Variants in MAML3 observed in about 807,000 individuals in gnomAD.
The protein encoded by MAML3 is mastermind like transcriptional coactivator 3.
In MAML3, 27 loss-of-function variants were observed where a neutral mutation model predicts 101.9. The ratio of observed to expected loss-of-function variants is 0.27; its 90% CI spans 0.20 to 0.37. MAML3 has a LOEUF of 0.37. MAML3 is among the 10% of genes least tolerant of loss of function. The pLI is 1.00. For synonymous variants in MAML3, 501 were observed against 555.9 expected (o/e 0.90, Z 1.39); for missense variants, 1,316 against 1,444.9 (o/e 0.91, Z 1.45).
chr4:139,877,350 G>A (rs1578642814), intron 2 of MAML3, among the ~76,000 whole-genome samples: 1 of 150,550 alleles, frequency 6.6e-6, no homozygotes, highest in Admixed American at 6.7e-5. Context: ...CCCACCCCCC[G>A]AAGAGTATTA....
chr4:139,722,735 T>C (rs1013184858), intron 4 of MAML3, among the ~76,000 whole-genome samples: 1 of 152,192 alleles, frequency 6.6e-6, no homozygotes. Flanking sequence ...ACCTTTGAAA[T>C]GTATAATGGT....
chr4:139,946,921 ACACACTCTCT>A (rs1467625494), intron 1 of MAML3, among the ~76,000 whole-genome samples: 63 of 68,816 alleles, frequency 9.2e-4, no homozygotes, highest in African/African-American at 7.8e-4. Context: ...ACACACACAC[ACACACTCTCT>A]CTCTCTCTCT....
chr4:139,716,990 A>ATGAT lies in MAML3; in HGVS notation c.*2329_*2332dup, dbSNP rs1482583175. 3.9e-5 allele frequency: 6 copies of ATGAT among 152,622 alleles called. No individual in the cohort carries two copies. The highest frequency in any genetic ancestry group is 3.9e-4 in the Admixed American group (6 of 15,284). 9.5% of individuals were successfully genotyped at this position (152,622 alleles called of 1,614,324 possible). On this transcript the variant is annotated 3_prime_UTR_variant, in exon 5 of 5. Coordinates refer to ENST00000509479, the MANE Select transcript of MAML3 (RefSeq NM_018717.5). ...TCTGAAGTGCAATACCACTGCTGTG[A>ATGAT]TGATGAGTTAAGGAATGAAATAAAA... is the stretch of plus-strand genomic sequence containing the variant.
chr4:139,898,235 A>G (rs1024908406), intron 1 of MAML3, among the ~76,000 whole-genome samples: 1 of 152,246 alleles, frequency 6.6e-6, no homozygotes, highest in African/African-American at 2.4e-5. Flanking sequence ...AAAATGTTGG[A>G]CTGCATAGTG....
intron 2 of MAML3, among the ~76,000 whole-genome samples, chr4:139,762,782 T>C (rs1458991293): frequency 6.6e-6 from 1 of 152,164 alleles, no homozygotes; most frequent in African/African-American, 2.4e-5. Flanking sequence ...AATAAACTGT[T>C]CTCTGTAGAC....
intron 1 of MAML3, among the ~76,000 whole-genome samples, chr4:139,946,260 T>TA (rs1231603567): frequency 6.6e-6 from 1 of 152,254 alleles, no homozygotes; most frequent in Non-Finnish European, 1.5e-5. Context: ...AGTTTCATAA[T>TA]AGCCGTTTTT....
In MAML3 at chr4:139,793,480, C is replaced by T. The variant is rs546368870; in HGVS notation, c.2080-62813G>A. Reference sequence around the variant, plus strand: ...AAGTGGACACTCTCTCCCAAATCTTCGAATCTCAAGCAGATGGATGCAAGG... The same window carrying T: ...AAGTGGACACTCTCTCCCAAATCTTTGAATCTCAAGCAGATGGATGCAAGG... On this transcript the variant is annotated intron_variant, in intron 2 of 4. Coordinates refer to ENST00000509479, the MANE Select transcript of MAML3 (RefSeq NM_018717.5). 7.9e-5 allele frequency among the ~76,000 whole-genome samples: 12 copies of T among 152,254 alleles called. 1 individual carries two copies. The South Asian group carries it at 2.3e-3, about 29-fold the overall frequency.
chr4:140,129,541 A>C (rs992603513), intron 1 of MAML3, among the ~76,000 whole-genome samples: 2 of 152,220 alleles, frequency 1.3e-5, no homozygotes, highest in Admixed American at 6.5e-5. Flanking sequence ...TGGTTCTCTG[A>C]AAAGACAGGC....
At chr4:140,104,405 T>TA (rs1490356982) in intron 1 of MAML3, among the ~76,000 whole-genome samples, 12,280 of 79,724 alleles carry the variant, frequency 0.15, 1,602 homozygotes, top group East Asian at 0.33. Flanking sequence ...TTATATAATA[T>TA]ATAATATAAT....
intron 2 of MAML3, among the ~76,000 whole-genome samples, chr4:139,796,872 C>T (rs1025605707): frequency 2.0e-5 from 3 of 152,116 alleles, no homozygotes; most frequent in Non-Finnish European, 4.4e-5. Flanking sequence ...ATGATGACTA[C>T]AACAAAGACC....
intron 2 of MAML3, among the ~76,000 whole-genome samples, chr4:139,790,785 C>CA (rs1730394718): frequency 6.6e-6 from 1 of 152,140 alleles, no homozygotes; most frequent in Non-Finnish European, 1.5e-5. Flanking sequence ...TTTGATTATC[C>CA]ACTCATCTAT....
intron 2 of MAML3, among the ~76,000 whole-genome samples, chr4:139,751,129 T>C (rs972996670): frequency 6.6e-6 from 1 of 152,202 alleles, no homozygotes; most frequent in Non-Finnish European, 1.5e-5. Flanking sequence ...CATAGGTATT[T>C]TCCAAATAAC....
chr4:139,835,310 C>T (rs35607574), intron 2 of MAML3, among the ~76,000 whole-genome samples: 10,716 of 152,230 alleles, frequency 0.07, 1,235 homozygotes, highest in African/African-American at 0.24. Context: ...TGCCTCAGGG[C>T]GCCTGATATT....
chr4:139,968,183 ATAC>A (rs920202981), intron 1 of MAML3, among the ~76,000 whole-genome samples: 6 of 151,648 alleles, frequency 4.0e-5, no homozygotes, highest in African/African-American at 1.5e-4. Flanking sequence ...AGGAGGCTTT[ATAC>A]AATGACATTT....
At chr4:139,901,016 C>T (rs1202591095) in intron 1 of MAML3, among the ~76,000 whole-genome samples, 2 of 152,234 alleles carry the variant, frequency 1.3e-5, no homozygotes, top group Non-Finnish European at 2.9e-5. Flanking sequence ...CTCACCTACT[C>T]TGCTATTTTG....
chr4:139,946,129 G>A lies in MAML3; in HGVS notation c.469-55162C>T, dbSNP rs1578611318. On this transcript the variant is annotated intron_variant, in intron 1 of 4. Transcript: ENST00000509479. ...TGAGCTTGTAAAAGAATTCATCTTA[G>A]TTCCACCTTGATTTCTTTTGCATTA... 2.6e-5 allele frequency among the ~76,000 whole-genome samples: 4 copies of A among 152,318 alleles called. No individual in the cohort carries two copies. In the East Asian group the frequency reaches 7.7e-4, roughly 29 times the overall value.
At position 139,889,744 on chromosome 4, in the gene MAML3, T is replaced by G; in HGVS notation, c.1692A>C (p.Thr564=). ...TCTGAGGGAGGTAGTTATTCATTGT[T>G]GTCTTCTGCAGGTTGTTTGCCATTG... ...VPPMANNLQK[T]TMNNYLPQNH... is the part of the protein sequence containing the mutation. The change falls in exon 2 of 5, where the codon ACA becomes ACC. Residue 564 remains threonine (T), a synonymous_variant. Coordinates refer to ENST00000509479, the MANE Select transcript of MAML3 (RefSeq NM_018717.5). The G allele has an allele frequency of 6.2e-7, 1 of 1,614,050 alleles. No individual in the cohort carries two copies. The highest frequency in any genetic ancestry group is 8.5e-7 in the Non-Finnish European group (1 of 1,179,886).
At chr4:140,149,487 A>G (rs1251680307) in intron 1 of MAML3, among the ~76,000 whole-genome samples, 2 of 152,198 alleles carry the variant, frequency 1.3e-5, no homozygotes, top group Non-Finnish European at 2.9e-5. Context: ...GTAAATGTGT[A>G]AGATAGGAAA....
chr4:139,773,898 T>C (rs995516438), intron 2 of MAML3, among the ~76,000 whole-genome samples: 3 of 152,142 alleles, frequency 2.0e-5, no homozygotes, highest in African/African-American at 4.8e-5. Context: ...TGATGAAAAA[T>C]TGCAAACAAC....
Sources: gnomAD v4.1 joint callset for allele counts (sites outside exome capture counted in the v4.1 genomes callset) on GRCh38, gnomAD v4.1.1 for gene constraint, MANE v1.5 for transcripts, NCBI Gene and HGNC (gene_info 2026-07-23, HGNC 2026-07-21) for gene names.